The following RFX2 variants were observed in gnomAD, a reference collection of about 807,000 sequenced individuals.
The protein encoded by RFX2 is regulatory factor X2, also known as DNA-binding protein RFX2.
RFX2 carries 20 observed loss-of-function variants against 87.8 expected under a neutral mutation model. The ratio of observed to expected loss-of-function variants is 0.23; its 90% CI spans 0.16 to 0.33. The LOEUF (loss-of-function observed/expected upper bound fraction) is 0.33, where lower values mean the gene tolerates loss of function less well. RFX2 is among the 10% of genes least tolerant of loss of function. RFX2 has a pLI of 1.00. For missense variants in RFX2, 767 were observed against 1,012.3 expected, an observed-to-expected ratio of 0.76 and a Z score of 3.29; for synonymous variants, 397 against 431.3, an observed-to-expected ratio of 0.92 and a Z score of 0.98.
At chr19:6,032,768 A>C (rs1366156517) in intron 5 of RFX2, among the ~76,000 whole-genome samples, 1 of 152,108 alleles carries the variant, frequency 6.6e-6, no homozygotes, top group Non-Finnish European at 1.5e-5. Flanking sequence ...TTTTGTGGCT[A>C]TCTTTCTGAA....
rs911863960 is a variant in RFX2 at position 6,047,479 on chromosome 19, A to G, written c.18T>C (p.Gly6=). The G allele has an allele frequency of 1.1e-5, 18 of 1,608,224 alleles. No homozygotes were observed. The highest frequency in any genetic ancestry group is 2.2e-5 in the South Asian group (2 of 90,018). Residue 6 remains glycine, a synonymous_variant, in exon 2 of 18, where the codon GGT becomes GGC. Coordinates refer to ENST00000303657, the MANE Select transcript of RFX2 (RefSeq NM_000635.4). This position sits in a 1 kb window ranked among gnomAD's most constrained non-coding sequence, Gnocchi z 4.2. MQNSE[G]GADSPASVAL... is the part of the protein sequence containing the mutation. ...CCACGGACGCTGGCGAATCCGCTCC[A>G]CCCTCGGAATTCTGCATGCTCAGGT... is the stretch of plus-strand genomic sequence containing the variant.
intron 17 of RFX2, among the ~76,000 whole-genome samples, chr19:5,995,311 G>A (rs2086391283): frequency 6.6e-6 from 1 of 152,178 alleles, no homozygotes; most frequent in Non-Finnish European, 1.5e-5. Flanking sequence ...CTCTCCTGCT[G>A]GGCGTGGGCG....
intron 1 of RFX2, chr19:6,068,550 A>G (rs1281706674): frequency 6.6e-6 from 1 of 152,216 alleles, no homozygotes; most frequent in Non-Finnish European, 1.5e-5. Context: ...AGCGTTGTCA[A>G]ATGCTTCCCT....
In RFX2 at chr19:6,002,920, C is replaced by A. The variant is rs754840235; in HGVS notation, c.1501-50G>T. On this transcript the variant is annotated intron_variant, in intron 13 of 17. Transcript: ENST00000303657. The surrounding 1 kb of genome is among the most constrained non-coding windows in gnomAD (Gnocchi z 6.7). ...CAGGGGTTCGCAGGGAGAGCCTGTT[C>A]CGCTGCGCTCCTTGCAGGGGTGTGT... 1.3e-6 allele frequency: 2 copies of A among 1,558,064 alleles called. No homozygotes were observed. The highest frequency in any genetic ancestry group is 2.3e-5 in the East Asian group (1 of 43,328).
In RFX2 at chr19:6,017,420, GACTGC is replaced by G. The variant is rs1250696336; in HGVS notation, c.598-1154_598-1150del. ...GATGCCCTCACCCAGGTGCCTTAAA[GACTGC>G]GGCTTAATTCTGGTTTCCACCTCTC... On this transcript the variant is annotated intron_variant, in intron 6 of 17. Transcript: ENST00000303657. The surrounding 1 kb of genome is among the most constrained non-coding windows in gnomAD (Gnocchi z 4.1). Among the ~76,000 whole-genome samples, 5 of 152,206 alleles carry G rather than the reference GACTGC, an allele frequency of 3.3e-5. No individual in the cohort carries two copies. Among genetic ancestry groups the G allele is most frequent in the African/African-American group, 1.2e-4 (5 of 41,446 alleles).
At chr19:6,031,423 C>CTTTTTTTTTTTTTT (rs58834364) in intron 5 of RFX2, among the ~76,000 whole-genome samples, 2 of 90,218 alleles carry the variant, frequency 2.2e-5, no homozygotes, top group Non-Finnish European at 2.0e-5. Context: ...TTCTCCTTCC[C>CTTTTTTTTTTTTTT]TTTTTTTTTT....
rs2087248236 is a variant in RFX2 at position 6,050,006 on chromosome 19, T to G, written c.-8-2502A>C. Among the ~76,000 whole-genome samples the G allele has an allele frequency of 6.6e-6, 1 of 152,214 alleles. No homozygotes were observed. The highest frequency in any genetic ancestry group is 2.1e-4 in the South Asian group (1 of 4,838). ...GTTCTGAATGCTGGGGTGTGGAGATTCTGGAAGAGAGAGAGCCACAGAAGG... is the reference window on the plus strand; with the variant it reads ...GTTCTGAATGCTGGGGTGTGGAGATGCTGGAAGAGAGAGAGCCACAGAAGG... On this transcript the variant is annotated intron_variant, in intron 1 of 17. Coordinates refer to ENST00000303657, the MANE Select transcript of RFX2 (RefSeq NM_000635.4). The surrounding 1 kb of genome is among the most constrained non-coding windows in gnomAD (Gnocchi z 4.6).
At chr19:5,996,753 T>C (rs454532) in intron 16 of RFX2, among the ~76,000 whole-genome samples, 87,924 of 152,186 alleles carry the variant, frequency 0.58, 25,569 homozygotes, top group Middle Eastern at 0.72. Context: ...GCCTCCCCTG[T>C]GTGGCGGGAC....
Position 6,007,334 on chromosome 19 carries a change from G to A in RFX2, c.1248-168C>T, listed in dbSNP as rs952499706. On this transcript the variant is annotated intron_variant, in intron 11 of 17. Coordinates refer to ENST00000303657, the MANE Select transcript of RFX2 (RefSeq NM_000635.4). This position sits in a 1 kb window ranked among gnomAD's most constrained non-coding sequence, Gnocchi z 8.2. ...GGTCCCCTCCCTCCATGTTGCTCCC[G>A]GCGCCTCCGTGTTTCCCCCTGTCCC... Among the ~76,000 whole-genome samples the A allele has an allele frequency of 5.3e-5, 8 of 152,196 alleles. No homozygotes were observed. The highest frequency in any genetic ancestry group is 1.9e-4 in the East Asian group (1 of 5,162).
chr19:6,005,810 C>T (rs1226722482), intron 12 of RFX2, among the ~76,000 whole-genome samples: 1 of 152,200 alleles, frequency 6.6e-6, no homozygotes, highest in East Asian at 1.9e-4. Flanking sequence ...GTCCCTGCCC[C>T]TCCTACAGGG....
chr19:6,032,952 G>T lies in RFX2; in HGVS notation c.523-6715C>A, dbSNP rs548153112. ...TACAGGCATGTGCCACCACAACCAG[G>T]GAATTTTTGTATTTTTTGTAGAGAT... On this transcript the variant is annotated intron_variant, in intron 5 of 17. Coordinates refer to ENST00000303657, the MANE Select transcript of RFX2 (RefSeq NM_000635.4). 4.6e-5 allele frequency among the ~76,000 whole-genome samples: 7 copies of T among 151,858 alleles called. 2 individuals are homozygous for T. The highest frequency in any genetic ancestry group is 1.7e-4 in the African/African-American group (7 of 41,524).
rs1456739189 is a variant in RFX2, at chr19:6,040,792, T to A, written c.261-551A>T. ...AATAAATACAAATAAAACTTAAAAT[T>A]GTAAGTGGATAAATGGGTCACATGA... On this transcript the variant is annotated intron_variant, in intron 4 of 17. Transcript: ENST00000303657. This position sits in a 1 kb window ranked among gnomAD's most constrained non-coding sequence, Gnocchi z 6.1. Among the ~76,000 whole-genome samples the A allele has an allele frequency of 2.6e-5, 4 of 151,954 alleles. No individual in the cohort carries two copies. The highest frequency in any genetic ancestry group is 5.9e-5 in the Non-Finnish European group (4 of 67,990).
chr19:6,009,757 G>A (rs2086636374), intron 9 of RFX2, among the ~76,000 whole-genome samples: 1 of 152,080 alleles, frequency 6.6e-6, no homozygotes, highest in Non-Finnish European at 1.5e-5. Flanking sequence ...AATTTTTTAA[G>A]TTTTTAGTAT....
At chr19:6,042,173 G>T (rs751695959) in intron 3 of RFX2, 50 bp from the exon 4 acceptor site, 1 of 1,512,668 alleles carries the variant, frequency 6.6e-7, no homozygotes, top group Non-Finnish European at 9.2e-7. Flanking sequence ...CTCGTGAGTT[G>T]CCTGCAGATT....
Position 6,039,960 on chromosome 19 carries a change from C to A in RFX2, c.522+20G>T. 1 of 1,536,610 alleles carries A rather than the reference C, an allele frequency of 6.5e-7. No homozygotes were observed. The highest frequency in any genetic ancestry group is 8.8e-7 in the Non-Finnish European group (1 of 1,132,806). ...AATACTCATGGCCTACCCTGCTGGTCCCAAGAGCCTCCTACATACCGTGGC... is the reference window on the plus strand; with the variant it reads ...AATACTCATGGCCTACCCTGCTGGTACCAAGAGCCTCCTACATACCGTGGC... On this transcript the variant is annotated intron_variant, in intron 5 of 17. Coordinates refer to ENST00000303657, the MANE Select transcript of RFX2 (RefSeq NM_000635.4). The surrounding 1 kb of genome is among the most constrained non-coding windows in gnomAD (Gnocchi z 5.2).
At chr19:6,028,059 G>C (rs1194175148) in intron 5 of RFX2, among the ~76,000 whole-genome samples, 1 of 152,108 alleles carries the variant, frequency 6.6e-6, no homozygotes, top group Non-Finnish European at 1.5e-5. Flanking sequence ...ACCACACCCT[G>C]CCTGCTTTTG....
intron 1 of RFX2, among the ~76,000 whole-genome samples, chr19:6,080,966 G>C (rs993365907): frequency 3.3e-5 from 5 of 150,920 alleles, no homozygotes; most frequent in African/African-American, 1.2e-4. Flanking sequence ...AACCTGGGAG[G>C]TGAAGGTTGC....
At position 6,023,526 on chromosome 19, in the gene RFX2, G is replaced by A. The variant is rs2086847978; in HGVS notation, c.597+2637C>T. On this transcript the variant is annotated intron_variant, in intron 6 of 17. Coordinates refer to ENST00000303657, the MANE Select transcript of RFX2 (RefSeq NM_000635.4). This position sits in a 1 kb window ranked among gnomAD's most constrained non-coding sequence, Gnocchi z 4.9. Reference sequence around the variant, plus strand: ...GTGTGTGTGGTGAACTTTTTAGAAAGATCTTATTTTACTTCCTTTGCTTCG... The same window carrying A: ...GTGTGTGTGGTGAACTTTTTAGAAAAATCTTATTTTACTTCCTTTGCTTCG... 6.6e-6 allele frequency among the ~76,000 whole-genome samples: 1 copy of A among 152,208 alleles called. No homozygotes were observed. The highest frequency in any genetic ancestry group is 6.5e-5 in the Admixed American group (1 of 15,284).
Position 6,044,748 on chromosome 19 carries a change from C to T in RFX2, c.91-466G>A, listed in dbSNP as rs2087164777. 6.6e-6 allele frequency among the ~76,000 whole-genome samples: 1 copy of T among 152,204 alleles called. No homozygotes were observed. Among genetic ancestry groups the T allele is most frequent in the Non-Finnish European group, 1.5e-5 (1 of 68,018 alleles). On this transcript the variant is annotated intron_variant, in intron 2 of 17. Coordinates refer to ENST00000303657, the MANE Select transcript of RFX2 (RefSeq NM_000635.4). This position sits in a 1 kb window ranked among gnomAD's most constrained non-coding sequence, Gnocchi z 5.3. ...GCGTGGGAGAGCACTCTGTGGCGCC[C>T]CTCGCTTCTGCAGTATAACCCGGAC...
Sources: gnomAD v4.1 joint callset for allele counts (sites outside exome capture counted in the v4.1 genomes callset) on GRCh38, gnomAD v4.1.1 for gene constraint, Gnocchi (gnomAD v3.1) non-coding constraint, MANE v1.5 for transcripts, NCBI Gene and HGNC (gene_info 2026-07-23, HGNC 2026-07-21) for gene names.